Variants in NCAM1 observed in about 807,000 individuals in gnomAD.
NCAM1 encodes antigen recognized by monoclonal antibody 5.1H11.
A neutral mutation model predicts 109.8 loss-of-function variants in NCAM1; 14 were observed. That is an observed-to-expected ratio of 0.13 (90% CI 0.08 to 0.20). The LOEUF (loss-of-function observed/expected upper bound fraction) is 0.20, where lower values mean the gene tolerates loss of function less well. NCAM1 is among the 10% of genes least tolerant of loss of function. NCAM1 has a pLI of 1.00. For missense variants in NCAM1, 774 were observed against 1,109.9 expected, an observed-to-expected ratio of 0.70 and a Z score of 4.30; for synonymous variants, 418 against 442.9, an observed-to-expected ratio of 0.94 and a Z score of 0.70.
chr11:112,968,167 G>T (rs1238415889), intron 1 of NCAM1, among the ~76,000 whole-genome samples: 1 of 152,148 alleles, frequency 6.6e-6, no homozygotes, highest in Non-Finnish European at 1.5e-5. Flanking sequence ...TTGAAGATTA[G>T]AATCATATAT....
rs1372919764 is a variant in NCAM1, at chr11:113,009,325, T to G, written c.52+47661T>G. 4.1e-4 allele frequency among the ~76,000 whole-genome samples: 56 copies of G among 137,664 alleles called. 1 individual carries two copies. Among genetic ancestry groups the G allele is most frequent in the African/African-American group, 8.9e-4 (33 of 36,962 alleles). 90.3% of individuals were successfully genotyped at this position (137,664 alleles called of 152,430 possible). A position where few individuals can be genotyped will look rare whatever the true frequency, so the allele number is the denominator to read the frequency against. On this transcript the variant is annotated intron_variant, in intron 1 of 19. Coordinates refer to ENST00000316851, the MANE Select transcript of NCAM1 (RefSeq NM_181351.5). ...GGGTTTTTTCGGGTTTTTTTTTTTTTTTTTTTTTTTTTTTTTATTGAGATG... is the reference window on the plus strand; with the variant it reads ...GGGTTTTTTCGGGTTTTTTTTTTTTGTTTTTTTTTTTTTTTTATTGAGATG...
chr11:113,207,739 T>C, intron 6 of NCAM1, 94 bp from the exon 7 acceptor site: 8 of 1,344,382 alleles, frequency 6.0e-6, no homozygotes, highest in Non-Finnish European at 8.2e-6. Context: ...GTCTTTCCCA[T>C]TGACTCAGTC....
intron 1 of NCAM1, among the ~76,000 whole-genome samples, chr11:112,979,966 C>T (rs557667608): frequency 1.6e-4 from 24 of 151,838 alleles, no homozygotes; most frequent in African/African-American, 3.9e-4. Flanking sequence ...AAATGCGACA[C>T]CCCTTCAGGA....
chr11:113,261,307 T>C (rs1363432151), intron 17 of NCAM1, among the ~76,000 whole-genome samples: 1 of 151,896 alleles, frequency 6.6e-6, no homozygotes, highest in African/African-American at 2.4e-5. Flanking sequence ...GATGCAGGGA[T>C]GTATGTGCAA....
intron 1 of NCAM1, among the ~76,000 whole-genome samples, chr11:113,106,529 A>G (rs1750337756): frequency 6.6e-6 from 1 of 152,228 alleles, no homozygotes; most frequent in Admixed American, 6.5e-5. Context: ...AGCTGAAGAT[A>G]AAAAGTCCAT....
intron 8 of NCAM1, 88 bp downstream of exon 8, chr11:113,214,599 T>C: frequency 7.0e-7 from 1 of 1,437,280 alleles, no homozygotes. Context: ...TTTGGGGAGC[T>C]GGGAGATGGG....
intron 1 of NCAM1, among the ~76,000 whole-genome samples, chr11:113,160,733 G>C (rs1555104212): frequency 6.6e-6 from 1 of 152,150 alleles, no homozygotes; most frequent in African/African-American, 2.4e-5. Context: ...GCAGATGGCT[G>C]TACCGGTTCC....
intron 1 of NCAM1, among the ~76,000 whole-genome samples, chr11:113,107,346 G>T (rs781888241): frequency 6.6e-6 from 1 of 152,172 alleles, no homozygotes; most frequent in Non-Finnish European, 1.5e-5. Context: ...GAAATAATAT[G>T]TGCAAAGCGC....
intron 1 of NCAM1, among the ~76,000 whole-genome samples, chr11:113,173,770 G>A (rs1555106623): frequency 7.9e-5 from 12 of 151,698 alleles, no homozygotes. Context: ...CTCTAGAATA[G>A]GGAAAAATAA....
In NCAM1 at chr11:113,207,820, C is replaced by T. The variant is rs1331974920; in HGVS notation, c.747-13C>T. 3 of 1,603,146 alleles carry T rather than the reference C, an allele frequency of 1.9e-6. No individual in the cohort carries two copies. On this transcript the variant is annotated splice_polypyrimidine_tract_variant and intron_variant, in intron 6 of 19. Coordinates refer to ENST00000316851, the MANE Select transcript of NCAM1 (RefSeq NM_181351.5). The stretch of plus-strand genomic sequence containing the variant: ...GTCGAAATCATGCTACTTTGCATTT[C>T]TACATGCTCTAGGGATGGGGAACAG...
intron 1 of NCAM1, among the ~76,000 whole-genome samples, chr11:113,000,843 T>C (rs377494296): frequency 0.64 from 66,250 of 103,516 alleles, 16,516 homozygotes; most frequent in East Asian, 0.82. Context: ...TATATATATA[T>C]ATATACACAA....
intron 1 of NCAM1, among the ~76,000 whole-genome samples, chr11:113,082,542 G>C (rs1938876219): frequency 1.3e-5 from 2 of 152,174 alleles, no homozygotes; most frequent in South Asian, 4.1e-4. Context: ...TTCATCGGCT[G>C]GAAGTAGTCT....
intron 1 of NCAM1, among the ~76,000 whole-genome samples, chr11:113,129,448 A>T (rs1181034773): frequency 1.3e-5 from 2 of 152,086 alleles, no homozygotes; most frequent in Non-Finnish European, 2.9e-5. Flanking sequence ...CTCTATAGAC[A>T]AGGACCTGTA....
intron 1 of NCAM1, among the ~76,000 whole-genome samples, chr11:112,995,726 T>G (rs1231445374): frequency 4.6e-5 from 7 of 152,174 alleles, no homozygotes; most frequent in African/African-American, 1.7e-4. Context: ...TTTGATTATT[T>G]TCAGATGCAA....
chr11:113,078,550 G>A (rs1208443092), intron 1 of NCAM1, among the ~76,000 whole-genome samples: 9 of 152,216 alleles, frequency 5.9e-5, no homozygotes, highest in African/African-American at 1.2e-4. Flanking sequence ...TAGCTGTTTC[G>A]ATTGCCATGT....
At chr11:113,007,953 A>T (rs1227925183) in intron 1 of NCAM1, among the ~76,000 whole-genome samples, 1 of 152,222 alleles carries the variant, frequency 6.6e-6, no homozygotes, top group Non-Finnish European at 1.5e-5. Context: ...TGGTAAAAAT[A>T]TGTGTCTGTG....
intron 9 of NCAM1, among the ~76,000 whole-genome samples, chr11:113,226,198 C>A (rs1182742974): frequency 6.6e-6 from 1 of 152,174 alleles, no homozygotes; most frequent in Non-Finnish European, 1.5e-5. Context: ...TTCTCACGTG[C>A]AGAGACACAC....
At chr11:113,087,440 C>T (rs1350617509) in intron 1 of NCAM1, among the ~76,000 whole-genome samples, 1 of 152,168 alleles carries the variant, frequency 6.6e-6, no homozygotes, top group Non-Finnish European at 1.5e-5. Flanking sequence ...CTTTTTTGTT[C>T]AAAGTGAACT....
chr11:113,201,800 C>T (rs1428282816), intron 1 of NCAM1, among the ~76,000 whole-genome samples: 1 of 152,128 alleles, frequency 6.6e-6, no homozygotes, highest in African/African-American at 2.4e-5. Context: ...GTGTGTTGGT[C>T]CTGTAGTCGT....
Sources: allele counts gnomAD v4.1 joint callset (sites outside exome capture counted in the v4.1 genomes callset), GRCh38; gene constraint gnomAD v4.1.1; transcripts MANE v1.5; gene names NCBI Gene and HGNC (gene_info 2026-07-23, HGNC 2026-07-21).